The following MSH3 variants were observed in gnomAD, a reference collection of about 807,000 sequenced individuals.
MSH3 encodes DNA mismatch repair protein Msh3.
A neutral mutation model predicts 123.3 loss-of-function variants in MSH3; 106 were observed. That is an observed-to-expected ratio of 0.86 (90% CI 0.73 to 1.01). MSH3 has a LOEUF of 1.01. Ranked by LOEUF, MSH3 falls within the 50% of genes least tolerant of loss-of-function variation. The pLI is 0.00. For synonymous variants in MSH3, 515 were observed against 481.4 expected, an observed-to-expected ratio of 1.07 and a Z score of -0.91; for missense variants, 1,459 against 1,347.6, an observed-to-expected ratio of 1.08 and a Z score of -1.29.
At chr5:80,775,842 A>G (rs1744289973) in intron 16 of MSH3, 84 bp downstream of exon 16, 3 of 762,524 alleles carry the variant, frequency 3.9e-6, no homozygotes, top group South Asian at 3.1e-5. Context: ...TCGTAGCCAC[A>G]TTCTTGAAAT....
intron 8 of MSH3, among the ~76,000 whole-genome samples, chr5:80,724,046 C>T (rs1464716431): frequency 6.6e-6 from 1 of 152,168 alleles, no homozygotes; most frequent in Non-Finnish European, 1.5e-5. Context: ...ATTAAGCCAC[C>T]GTGCCCGGCC....
chr5:80,739,326 C>T (rs1376895487), intron 10 of MSH3, among the ~76,000 whole-genome samples: 2 of 152,218 alleles, frequency 1.3e-5, no homozygotes, highest in Non-Finnish European at 2.9e-5. Context: ...GCTACATAGC[C>T]AATCACTGCC....
intron 10 of MSH3, among the ~76,000 whole-genome samples, chr5:80,734,398 A>G (rs960041714): frequency 1.3e-5 from 2 of 152,212 alleles, no homozygotes; most frequent in African/African-American, 4.8e-5. Context: ...CAATTTTAAT[A>G]TACTAAATAC....
intron 2 of MSH3, among the ~76,000 whole-genome samples, chr5:80,659,329 A>G (rs1749371630): frequency 6.6e-6 from 1 of 152,124 alleles, no homozygotes; most frequent in Non-Finnish European, 1.5e-5. Flanking sequence ...TTGTGCAACC[A>G]TCATCAAAGT....
intron 15 of MSH3, among the ~76,000 whole-genome samples, chr5:80,773,326 A>C (rs1036340439): frequency 4.6e-5 from 7 of 152,162 alleles, no homozygotes; most frequent in Admixed American, 4.6e-4. Context: ...TATCTTTCCC[A>C]TTAGTGATAT....
chr5:80,753,379 C>T (rs961231731), intron 12 of MSH3, among the ~76,000 whole-genome samples: 7 of 152,052 alleles, frequency 4.6e-5, no homozygotes, highest in African/African-American at 1.7e-4. Flanking sequence ...CTGTAGCTAC[C>T]GTCAGGAATG....
intron 20 of MSH3, among the ~76,000 whole-genome samples, chr5:80,824,033 C>G (rs1186566216): frequency 3.3e-5 from 5 of 152,182 alleles, no homozygotes; most frequent in African/African-American, 4.8e-5. Context: ...AGATCAACAG[C>G]ATCCCAAGGC....
At chr5:80,715,830 C>T (rs776861069) in intron 8 of MSH3, among the ~76,000 whole-genome samples, 13 of 152,172 alleles carry the variant, frequency 8.5e-5, no homozygotes, top group Non-Finnish European at 2.9e-5. Context: ...GGGAAGTCCA[C>T]TCCCATGATC....
rs769956797 is a variant in MSH3, at chr5:80,748,499, GTAGTTTT to G, written c.1763+3887_1763+3893del. 3.6e-4 allele frequency among the ~76,000 whole-genome samples: 55 copies of G among 152,168 alleles called. 1 individual carries two copies. Among genetic ancestry groups the G allele is most frequent in the Non-Finnish European group, 6.0e-4 (41 of 68,006 alleles). ...TATTTTTTCTTATGTGTTCTCACCT[GTAGTTTT>G]TATCAGTTCTGCTAATTTTAGGCAA... is the stretch of plus-strand genomic sequence containing the variant. On this transcript the variant is annotated intron_variant, in intron 12 of 23. Transcript: ENST00000265081.
chr5:80,668,114 C>T (rs1749611193), intron 3 of MSH3, among the ~76,000 whole-genome samples: 1 of 152,108 alleles, frequency 6.6e-6, no homozygotes, highest in South Asian at 2.1e-4. Context: ...AGTGATGAGC[C>T]TTCAGCCGAG....
chr5:80,711,286 G>T (rs1750852690), intron 8 of MSH3, among the ~76,000 whole-genome samples: 1 of 152,176 alleles, frequency 6.6e-6, no homozygotes, highest in Admixed American at 6.5e-5. Context: ...CCTCTCCTTT[G>T]CGGATAGGTC....
chr5:80,769,624 C>CT (rs1034896928), intron 15 of MSH3, among the ~76,000 whole-genome samples: 4 of 151,896 alleles, frequency 2.6e-5, no homozygotes, highest in African/African-American at 4.8e-5. Flanking sequence ...TATTCTGGGT[C>CT]TTGAGGCATG....
chr5:80,854,737 A>G (rs1745886857), intron 21 of MSH3, among the ~76,000 whole-genome samples: 1 of 152,196 alleles, frequency 6.6e-6, no homozygotes, highest in African/African-American at 2.4e-5. Flanking sequence ...TTGACCCTAA[A>G]TAATGTTTGT....
intron 18 of MSH3, among the ~76,000 whole-genome samples, chr5:80,789,612 C>G (rs1744574306): frequency 6.6e-6 from 1 of 152,204 alleles, no homozygotes; most frequent in Admixed American, 6.5e-5. Context: ...TTCAAGCAAT[C>G]CACCTGCCTT....
intron 20 of MSH3, among the ~76,000 whole-genome samples, chr5:80,828,662 T>C (rs1378902031): frequency 1.3e-5 from 2 of 152,132 alleles, no homozygotes; most frequent in Non-Finnish European, 2.9e-5. Flanking sequence ...ACTTCCAAAA[T>C]AAATGGTGGG....
chr5:80,672,189 A>T (rs1749738390), intron 4 of MSH3, 55 bp from the exon 5 acceptor site: 17 of 1,251,748 alleles, frequency 1.4e-5, no homozygotes, highest in Non-Finnish European at 2.0e-5. Context: ...AACCAACATC[A>T]CATAGGGAAT....
At chr5:80,847,232 G>A (rs1000852591) in intron 20 of MSH3, among the ~76,000 whole-genome samples, 2 of 151,976 alleles carry the variant, frequency 1.3e-5, no homozygotes, top group African/African-American at 4.8e-5. Context: ...CATAATTTCT[G>A]TATTTTTAGT....
intron 12 of MSH3, among the ~76,000 whole-genome samples, chr5:80,749,131 A>G (rs148778605): frequency 2.6e-5 from 4 of 152,284 alleles, no homozygotes; most frequent in East Asian, 1.9e-4. Flanking sequence ...ATAGATGTAT[A>G]TAAGGAGTAT....
At position 80,741,480 on chromosome 5, in the gene MSH3, T is replaced by A. The variant is rs1743612459; in HGVS notation, c.1585T>A (p.Ser529Thr). ...LSKPENFKQLSSKMEFMTING... is the reference protein window; with the variant it reads ...LSKPENFKQLTSKMEFMTING... ...CTTTTACAGGAATTTTAAACAGCTA[T>A]CAAGTAAAATGGAATTTATGACAAT... is the stretch of plus-strand genomic sequence containing the variant. Residue 529 changes from serine to threonine, a missense_variant, in exon 11 of 24, where the codon TCA becomes ACA. By Grantham distance (58) the Ser-to-Thr change is moderately conservative. Transcript: ENST00000265081. 6.3e-7 allele frequency: 1 copy of A among 1,592,098 alleles called. No individual in the cohort carries two copies. Among genetic ancestry groups the A allele is most frequent in the East Asian group, 2.2e-5 (1 of 44,738 alleles).
Sources: allele counts gnomAD v4.1 joint callset (sites outside exome capture counted in the v4.1 genomes callset), GRCh38; gene constraint gnomAD v4.1.1; transcripts MANE v1.5; gene names NCBI Gene and HGNC (gene_info 2026-07-23, HGNC 2026-07-21).